The following GALC variants were observed in gnomAD, a reference collection of about 807,000 sequenced individuals.
The protein encoded by GALC is galactocerebrosidase.
In GALC, 77 loss-of-function variants were observed where a neutral mutation model predicts 91.8. The observed-to-expected ratio is 0.84, with a 90% CI of 0.70 to 1.01. GALC has a LOEUF of 1.01. Ranked by LOEUF, GALC falls within the 50% of genes least tolerant of loss-of-function variation. The pLI is 0.00. For missense variants in GALC, 882 were observed against 855.9 expected, an observed-to-expected ratio of 1.03 and a Z score of -0.38; for synonymous variants, 357 against 306.7, an observed-to-expected ratio of 1.16 and a Z score of -1.71.
chr14:87,944,399 G>C (rs556423119), intron 14 of GALC, among the ~76,000 whole-genome samples: 1 of 151,788 alleles, frequency 6.6e-6, no homozygotes, highest in Non-Finnish European at 1.5e-5. Context: ...CAAAACAATG[G>C]GACCCAGGCC....
Position 87,990,703 on chromosome 14 carries a change from A to G in GALC, c.196-2180T>C, listed in dbSNP as rs75961622. Among the ~76,000 whole-genome samples, 1,045 of 152,344 alleles carry G rather than the reference A, an allele frequency of 6.9e-3. 16 individuals are homozygous for G. Among genetic ancestry groups the G allele is most frequent in the East Asian group, 0.044 (227 of 5,188 alleles). ...CTATGCACTCCCACATTTAACAGAG[A>G]AAGTATCGGCTTTAGGCAAACACAC... On this transcript the variant is annotated intron_variant, in intron 1 of 16. Coordinates refer to ENST00000261304, the MANE Select transcript of GALC (RefSeq NM_000153.4).
chr14:87,933,996 C>T lies in GALC; in HGVS notation c.*736G>A. On this transcript the variant is annotated 3_prime_UTR_variant, in exon 17 of 17. Transcript: ENST00000261304. ...TATCAGGTTTTCTTCCTTCTTCCAG[C>T]CACCTGGAAAAACGTTCACAGAGAG... The T allele has an allele frequency of 6.5e-7, 1 of 1,534,476 alleles. No homozygotes were observed.
intron 1 of GALC, among the ~76,000 whole-genome samples, chr14:87,990,480 T>C (rs1481259745): frequency 6.6e-6 from 1 of 152,222 alleles, no homozygotes; most frequent in South Asian, 2.1e-4. Flanking sequence ...GCAAGTGTTA[T>C]ATACACAAAT....
rs1171860585 is a variant in GALC at position 87,984,481 on chromosome 14, A to G, written c.495T>C (p.Tyr165=). 1.9e-6 allele frequency: 3 copies of G among 1,614,212 alleles called. No individual in the cohort carries two copies. The highest frequency in any genetic ancestry group is 1.1e-5 in the South Asian group (1 of 91,090). The change falls in exon 5 of 17, where the codon TAT becomes TAC. Residue 165 remains tyrosine (Y), a synonymous_variant. Transcript: ENST00000261304. ...GWLGKGFDWP[Y]VNLQLTAYYV... ...AATAGGCAGTCAGCTGAAGATTGACATAAGGCCAGTCGAAACCTTTTCCCA... is the reference window on the plus strand; with the variant it reads ...AATAGGCAGTCAGCTGAAGATTGACGTAAGGCCAGTCGAAACCTTTTCCCA...
At chr14:87,939,365 C>T (rs1486650385) in intron 16 of GALC, among the ~76,000 whole-genome samples, 1 of 151,812 alleles carries the variant, frequency 6.6e-6, no homozygotes, top group Admixed American at 6.6e-5. Flanking sequence ...AATTTATCTG[C>T]ACAGCATCCC....
intron 10 of GALC, chr14:87,954,204 C>A: frequency 6.4e-7 from 1 of 1,567,684 alleles, no homozygotes; most frequent in Non-Finnish European, 8.8e-7. Flanking sequence ...AGATCTTCCT[C>A]CGAGGCAGCC....
chr14:87,970,532 A>T lies in GALC; in HGVS notation c.753-2042T>A, dbSNP rs10151403. ...ATATGAGCAAAGAAAGGCAGAACTA[A>T]TACTAAAATCTGGGTCTTTCTTAAT... On this transcript the variant is annotated intron_variant, in intron 7 of 16. Transcript: ENST00000261304. Among the ~76,000 whole-genome samples, 606 of 152,202 alleles carry T rather than the reference A, an allele frequency of 4.0e-3. 6 individuals carry two copies. The highest frequency in any genetic ancestry group is 0.014 in the African/African-American group (573 of 41,522).
At chr14:87,972,322 C>T (rs758570379) in intron 7 of GALC, among the ~76,000 whole-genome samples, 2 of 152,010 alleles carry the variant, frequency 1.3e-5, no homozygotes, top group African/African-American at 2.4e-5. Flanking sequence ...TTTAAACCGG[C>T]AAAATTAGTC....
intron 10 of GALC, among the ~76,000 whole-genome samples, chr14:87,960,260 C>G (rs1291070413): frequency 6.6e-6 from 1 of 151,522 alleles, no homozygotes; most frequent in East Asian, 1.9e-4. Flanking sequence ...TAGGGTGGGG[C>G]TGGGAAGGGA....
rs1885131050 is a variant in GALC, at chr14:87,947,750, G to A, written c.1467C>T (p.Thr489=). The part of the protein sequence containing the change: ...LPPKSQPFPS[T]YKDDFNVDYP... ...CACCAACATTGAAATCATCCTTATA[G>A]GTACTTGGGAAGGGCTGGGATTTTG... The change falls in exon 13 of 17, where the codon ACC becomes ACT. Residue 489 remains threonine, a synonymous_variant. Coordinates refer to ENST00000261304, the MANE Select transcript of GALC (RefSeq NM_000153.4). 1 of 1,612,872 alleles carries A rather than the reference G, an allele frequency of 6.2e-7. No individual in the cohort carries two copies. Among genetic ancestry groups the A allele is most frequent in the Non-Finnish European group, 8.5e-7 (1 of 1,179,220 alleles).
At chr14:87,975,707 A>G (rs1472098373) in intron 7 of GALC, among the ~76,000 whole-genome samples, 1 of 152,066 alleles carries the variant, frequency 6.6e-6, no homozygotes, top group African/African-American at 2.4e-5. Flanking sequence ...GCACATGGAG[A>G]GATCAATCAG....
At chr14:87,990,263 T>G (rs1401610680) in intron 1 of GALC, among the ~76,000 whole-genome samples, 1 of 152,238 alleles carries the variant, frequency 6.6e-6, no homozygotes, top group Non-Finnish European at 1.5e-5. Context: ...TTTATGGGTC[T>G]TTTGTTGCAC....
At chr14:87,975,534 C>CA in intron 7 of GALC, among the ~76,000 whole-genome samples, 1 of 152,084 alleles carries the variant, frequency 6.6e-6, no homozygotes, top group Non-Finnish European at 1.5e-5. Context: ...GGATTTCTTT[C>CA]AAAGTAATGT....
In GALC at chr14:87,993,045, G is replaced by T. The variant is rs532800656; in HGVS notation, c.120C>A (p.Gly40=). The T allele has an allele frequency of 1.3e-6, 2 of 1,556,094 alleles. No individual in the cohort carries two copies. Among genetic ancestry groups the T allele is most frequent in the Non-Finnish European group, 1.7e-6 (2 of 1,153,740 alleles). Residue 40 remains glycine (G), a synonymous_variant, in exon 1 of 17, where the codon GGC becomes GGA. Coordinates refer to ENST00000261304, the MANE Select transcript of GALC (RefSeq NM_000153.4). ...PLLLCALLAP[G]GAYVLDDSDG... ...CGGAGTCGTCGAGCACGTACGCGCC[G>T]CCGGGCGCCAGCAGCGCACACAGCA...
At chr14:87,939,651 C>A (rs1391650188) in intron 16 of GALC, among the ~76,000 whole-genome samples, 2 of 151,656 alleles carry the variant, frequency 1.3e-5, no homozygotes, top group Non-Finnish European at 1.5e-5. Context: ...ATCAATTATG[C>A]CTCAGTTTAA....
intron 14 of GALC, among the ~76,000 whole-genome samples, chr14:87,941,856 G>T (rs1884868615): frequency 6.6e-6 from 1 of 151,794 alleles, no homozygotes; most frequent in South Asian, 2.1e-4. Flanking sequence ...CTCATCTTAA[G>T]AATACAATAT....
intron 13 of GALC, 70 bp from the exon 14 acceptor site, chr14:87,945,803 T>C (rs1444561118): frequency 8.3e-7 from 1 of 1,201,714 alleles, no homozygotes; most frequent in Non-Finnish European, 1.2e-6. Flanking sequence ...TGATATTTTA[T>C]AGTATGTCTG....
intron 7 of GALC, among the ~76,000 whole-genome samples, chr14:87,974,623 T>C (rs928617302): frequency 6.6e-6 from 1 of 152,120 alleles, no homozygotes; most frequent in African/African-American, 2.4e-5. Context: ...AAAGGTTATA[T>C]ATAAACTCAA....
chr14:87,954,458 T>C (rs974939610), intron 10 of GALC: 1 of 1,587,454 alleles, frequency 6.3e-7, no homozygotes, highest in Non-Finnish European at 8.6e-7. Context: ...AGGTTATATT[T>C]GGGAATTTAA....
Sources: gnomAD v4.1 joint callset for allele counts (sites outside exome capture counted in the v4.1 genomes callset) on GRCh38, gnomAD v4.1.1 for gene constraint, MANE v1.5 for transcripts, NCBI Gene and HGNC (gene_info 2026-07-23, HGNC 2026-07-21) for gene names.